The following DOCK5 variants were observed in gnomAD, a reference collection of about 807,000 sequenced individuals.
The protein encoded by DOCK5 is dedicator of cytokinesis 5, also known as dedicator of cytokinesis protein 5.
DOCK5 carries 142 observed loss-of-function variants against 251.8 expected under a neutral mutation model. That is an observed-to-expected ratio of 0.56 (90% confidence interval 0.49 to 0.65). The LOEUF is 0.65. DOCK5 is among the 30% of genes least tolerant of loss of function. The pLI is 0.00. For missense variants in DOCK5, 2,111 were observed against 2,312.3 expected (o/e 0.91, Z 1.79); for synonymous variants, 842 against 835.5 (o/e 1.01, Z -0.13).
Position 25,413,776 on chromosome 8 carries a change from C to G in DOCK5, c.*2478C>G, listed in dbSNP as rs1340962771. 6.6e-6 allele frequency: 1 copy of G among 152,186 alleles called. No individual in the cohort carries two copies. The highest frequency in any genetic ancestry group is 1.5e-5 in the Non-Finnish European group (1 of 68,042). 9.4% of individuals were successfully genotyped at this position (152,186 alleles called of 1,614,324 possible). ...CCACCTTAATGGAAATAATAGCTCT[C>G]TCCTGCCTGAACAAAAGGGATTCCA... On this transcript the variant is annotated 3_prime_UTR_variant, in exon 52 of 52. Coordinates refer to ENST00000276440, the MANE Select transcript of DOCK5 (RefSeq NM_024940.8).
intron 1 of DOCK5, among the ~76,000 whole-genome samples, chr8:25,232,906 G>A (rs188475019): frequency 2.6e-5 from 4 of 152,206 alleles, no homozygotes; most frequent in South Asian, 2.1e-4. Context: ...ATCCATGTGC[G>A]TGGGTTGGGA....
rs114127361 is a variant in DOCK5 at position 25,368,269 on chromosome 8, A to G, written c.3283+19A>G. 1.7e-3 allele frequency: 2,672 copies of G among 1,607,566 alleles called. 43 individuals carry two copies. The African/African-American group carries it at 0.032, about 19-fold the overall frequency. ...AACCTGGGTGAGTGTCTAGCCTTGA[A>G]CAGGCCTGATCACAACCTCTGAGTG... On this transcript the variant is annotated intron_variant, in intron 32 of 51. Transcript: ENST00000276440.
At chr8:25,284,259 AC>A (rs936468670) in intron 5 of DOCK5, among the ~76,000 whole-genome samples, 10 of 152,046 alleles carry the variant, frequency 6.6e-5, no homozygotes, top group African/African-American at 2.4e-4. Context: ...TCTGTATAAA[AC>A]CCCAGGGTAG....
At chr8:25,270,974 T>G (rs2117118593) in intron 3 of DOCK5, 1 of 471,992 alleles carries the variant, frequency 2.1e-6, no homozygotes, top group African/African-American at 1.9e-5. Flanking sequence ...CCGTATTGTT[T>G]AGGGAATAAT....
intron 22 of DOCK5, among the ~76,000 whole-genome samples, chr8:25,337,587 T>G (rs1805847635): frequency 1.5e-5 from 2 of 131,236 alleles, no homozygotes; most frequent in African/African-American, 5.3e-5. Context: ...GATAGATTCT[T>G]TTTTTTTTTT....
intron 37 of DOCK5, chr8:25,376,780 T>G (rs1417301834): frequency 2.0e-5 from 3 of 152,308 alleles, no homozygotes; most frequent in African/African-American, 7.2e-5. Context: ...AATGTTCTTT[T>G]TGGACTTATT....
At chr8:25,338,947 C>T (rs1231530806) in intron 22 of DOCK5, among the ~76,000 whole-genome samples, 2 of 152,120 alleles carry the variant, frequency 1.3e-5, no homozygotes, top group African/African-American at 4.8e-5. Context: ...GTGTGGAAAA[C>T]AAAAGGTTAG....
At chr8:25,233,223 A>G (rs115804554) in intron 1 of DOCK5, among the ~76,000 whole-genome samples, 12 of 152,266 alleles carry the variant, frequency 7.9e-5, no homozygotes, top group Non-Finnish European at 1.3e-4. Context: ...CCTCTCAGGT[A>G]TCACTCCCTG....
At chr8:25,368,946 C>A (rs892486613) in intron 33 of DOCK5, among the ~76,000 whole-genome samples, 1 of 152,196 alleles carries the variant, frequency 6.6e-6, no homozygotes, top group African/African-American at 2.4e-5. Context: ...CCTAAGGCAA[C>A]ACCTGTCTGT....
intron 1 of DOCK5, among the ~76,000 whole-genome samples, chr8:25,219,882 T>C (rs1802337959): frequency 6.6e-6 from 1 of 152,114 alleles, no homozygotes; most frequent in Non-Finnish European, 1.5e-5. Context: ...CAGAAAGTTA[T>C]GCTCTTTACC....
chr8:25,194,023 C>T (rs1801652906), intron 1 of DOCK5, among the ~76,000 whole-genome samples: 3 of 151,846 alleles, frequency 2.0e-5, no homozygotes, highest in East Asian at 3.9e-4. Flanking sequence ...TGGTGGCTCA[C>T]ACCTGTAATA....
At chr8:25,231,559 A>G (rs1028627203) in intron 1 of DOCK5, among the ~76,000 whole-genome samples, 2 of 152,200 alleles carry the variant, frequency 1.3e-5, no homozygotes, top group African/African-American at 4.8e-5. Flanking sequence ...AAAAACTCAC[A>G]TATTAGTTGT....
intron 9 of DOCK5, 53 bp downstream of exon 9, chr8:25,300,710 T>G (rs1421940171): frequency 7.3e-6 from 11 of 1,504,364 alleles, no homozygotes; most frequent in Non-Finnish European, 1.0e-5. Context: ...ATGAGCATAT[T>G]CACATAATGA....
intron 24 of DOCK5, 55 bp from the exon 25 acceptor site, chr8:25,342,346 A>T: frequency 7.3e-7 from 1 of 1,371,486 alleles, no homozygotes; most frequent in Non-Finnish European, 1.0e-6. Flanking sequence ...GTTTATAATG[A>T]TGCCTTCAAT....
Position 25,300,590 on chromosome 8 carries a change from T to A in DOCK5, c.779T>A (p.Ile260Asn), listed in dbSNP as rs761779364. The change falls in exon 9 of 52, where the codon ATT (isoleucine) becomes AAT (asparagine). Residue 260 changes from isoleucine to asparagine, a missense_variant. This residue lies in a region of DOCK5 where 335 missense variants were observed against 324.9 expected (regional missense o/e 1.03). Coordinates refer to ENST00000276440, the MANE Select transcript of DOCK5 (RefSeq NM_024940.8). ...TCCTTTGCCAGTGAGAACTATCTAA[T>A]TCGTTGGGGCAGTAACGGGATGCCC... is the stretch of plus-strand genomic sequence containing the variant. ...QSTFISENYL[I>N]RWGSNGMPKE... 6.2e-7 allele frequency: 1 copy of A among 1,613,146 alleles called. No homozygotes were observed. Among genetic ancestry groups the A allele is most frequent in the Non-Finnish European group, 8.5e-7 (1 of 1,179,552 alleles).
intron 14 of DOCK5, among the ~76,000 whole-genome samples, chr8:25,319,304 G>C (rs1461864553): frequency 6.6e-6 from 1 of 152,190 alleles, no homozygotes; most frequent in Non-Finnish European, 1.5e-5. Context: ...CATGCCTGGG[G>C]AGGGAAGAGA....
chr8:25,241,597 T>C (rs1310133687), intron 1 of DOCK5, among the ~76,000 whole-genome samples: 1 of 152,202 alleles, frequency 6.6e-6, no homozygotes, highest in Non-Finnish European at 1.5e-5. Context: ...AGTGTGGTGA[T>C]TCCTCAAGGA....
At position 25,268,580 on chromosome 8, in the gene DOCK5, TA is replaced by T. The variant is rs376901416; in HGVS notation, c.128-264del. ...TTGTTGGTTTTTTTTGCTATTGTTCTATTCTTCCTCCAAAGGAGTAGAGATG... is the reference window on the plus strand; with the variant it reads ...TTGTTGGTTTTTTTTGCTATTGTTCTTTCTTCCTCCAAAGGAGTAGAGATG... On this transcript the variant is annotated intron_variant, in intron 2 of 51. Coordinates refer to ENST00000276440, the MANE Select transcript of DOCK5 (RefSeq NM_024940.8). 9.2e-5 allele frequency among the ~76,000 whole-genome samples: 14 copies of T among 152,316 alleles called. No homozygotes were observed. The South Asian group carries it at 1.2e-3, about 14-fold the overall frequency.
rs57465549 is a variant in DOCK5, at chr8:25,281,889, G to GA, written c.321+3242dup. On this transcript the variant is annotated intron_variant, in intron 5 of 51. Transcript: ENST00000276440. ...GGGAGACTCCGTTTAAAAAAAAAAAGAAAAAAAAAAAAAAAAAAGCCATCC... is the reference window on the plus strand; with the variant it reads ...GGGAGACTCCGTTTAAAAAAAAAAAGAAAAAAAAAAAAAAAAAAAGCCATCC... Among the ~76,000 whole-genome samples the GA allele has an allele frequency of 4.2e-3, 530 of 127,104 alleles. 6 individuals are homozygous for GA. Among genetic ancestry groups the GA allele is most frequent in the African/African-American group, 0.014 (490 of 34,838 alleles). The allele number at this position is 127,104 out of a possible 152,430, so 83.4% of individuals were successfully genotyped here.
Sources: allele counts gnomAD v4.1 joint callset (sites outside exome capture counted in the v4.1 genomes callset), GRCh38; gene constraint gnomAD v4.1.1; regional missense constraint gnomAD v4.1.1; transcripts MANE v1.5; gene names NCBI Gene and HGNC (gene_info 2026-07-23, HGNC 2026-07-21).